The following FBN1 variants were observed in gnomAD, a reference collection of about 807,000 sequenced individuals.
FBN1 encodes the protein fibrillin-1.
FBN1 carries 29 observed loss-of-function variants against 365.1 expected under a neutral mutation model. The ratio of observed to expected loss-of-function variants is 0.08; its 90% CI spans 0.06 to 0.11. The LOEUF (loss-of-function observed/expected upper bound fraction) is 0.11. Ranked by LOEUF, FBN1 falls within the 10% of genes least tolerant of loss-of-function variation. The pLI, the probability that FBN1 is intolerant of heterozygous loss-of-function variation, is 1.00. For synonymous variants in FBN1, 1,210 were observed against 1,270.5 expected, an observed-to-expected ratio of 0.95 and a Z score of 1.01; for missense variants, 2,476 against 3,703.2, an observed-to-expected ratio of 0.67 and a Z score of 8.60.
chr15:48,460,632 CAG>C (rs947014257), intron 42 of FBN1, among the ~76,000 whole-genome samples: 10 of 152,120 alleles, frequency 6.6e-5, no homozygotes, highest in Non-Finnish European at 1.5e-4. Flanking sequence ...GCTCTGAACT[CAG>C]GGACTGGTAA....
chr15:48,639,957 A>G (rs1890169805), intron 2 of FBN1, among the ~76,000 whole-genome samples: 1 of 152,250 alleles, frequency 6.6e-6, no homozygotes, highest in African/African-American at 2.4e-5. Context: ...AAAAGCCAAC[A>G]AACTGGTACA....
chr15:48,612,879 T>C lies in FBN1; in HGVS notation c.247+131A>G, dbSNP rs1404553015. ...TTCCCAAACTGGAAAGGTAGAAAAG[T>C]CTTAAAGCTGGAAGGCTGTACTATC... is the stretch of plus-strand genomic sequence containing the variant. On this transcript the variant is annotated intron_variant, in intron 3 of 65. Transcript: ENST00000316623. The C allele has an allele frequency of 9.1e-6, 7 of 766,118 alleles. No homozygotes were observed. The Admixed American group carries it at 1.3e-4, about 15-fold the overall frequency. 47.5% of individuals were successfully genotyped at this position (766,118 alleles called of 1,614,324 possible). A position where few individuals can be genotyped will look rare whatever the true frequency, so the allele number is the denominator to read the frequency against.
chr15:48,520,228 C>G (rs1597583606), intron 10 of FBN1, among the ~76,000 whole-genome samples: 1 of 151,028 alleles, frequency 6.6e-6, no homozygotes, highest in East Asian at 1.9e-4. Flanking sequence ...AAAAGAGATA[C>G]TGTGAAGGAA....
intron 29 of FBN1, 146 bp from the exon 30 acceptor site, chr15:48,485,642 C>A: frequency 1.2e-6 from 1 of 859,824 alleles, no homozygotes; most frequent in South Asian, 1.5e-5. Context: ...AGGGCTCTAC[C>A]CTCATGGTGG....
At chr15:48,486,289 C>T (rs977931726) in intron 29 of FBN1, among the ~76,000 whole-genome samples, 23 of 152,214 alleles carry the variant, frequency 1.5e-4, no homozygotes, top group African/African-American at 4.8e-4. Context: ...TCTGAGTTGT[C>T]CTGGGCCATG....
intron 6 of FBN1, among the ~76,000 whole-genome samples, chr15:48,571,141 C>G (rs16961168): frequency 0.077 from 11,760 of 152,236 alleles, 1,600 homozygotes; most frequent in African/African-American, 0.27. Flanking sequence ...AAGTCCAAGG[C>G]TGGTCCAACA....
chr15:48,466,160 ATT>A (rs2043320313), intron 38 of FBN1, among the ~76,000 whole-genome samples: 1 of 151,824 alleles, frequency 6.6e-6, no homozygotes, highest in Non-Finnish European at 1.5e-5. Context: ...CTTTTTACAG[ATT>A]TTCTTTCCCT....
chr15:48,495,284 A>C, intron 21 of FBN1, 24 bp from the exon 22 acceptor site: 1 of 1,612,382 alleles, frequency 6.2e-7, no homozygotes, highest in Non-Finnish European at 8.5e-7. Context: ...AATAATATTT[A>C]ATAGAATCTA....
intron 32 of FBN1, among the ~76,000 whole-genome samples, chr15:48,476,163 T>C (rs1280668920): frequency 6.6e-6 from 1 of 152,208 alleles, no homozygotes; most frequent in East Asian, 1.9e-4. Context: ...CAAGAATGTA[T>C]GTCTTTCCAT....
At chr15:48,412,000 T>C (rs1391395076) in intron 65 of FBN1, among the ~76,000 whole-genome samples, 5 of 152,230 alleles carry the variant, frequency 3.3e-5, no homozygotes. Context: ...GGCTTCTTAC[T>C]TGCCTCTCTG....
chr15:48,644,963 G>A lies in FBN1; in HGVS notation c.-181-13C>T. 4.9e-6 allele frequency: 2 copies of A among 411,700 alleles called. No homozygotes were observed. The highest frequency in any genetic ancestry group is 8.0e-6 in the Non-Finnish European group (2 of 249,604). The allele number at this position is 411,700 out of a possible 1,614,324, so 25.5% of individuals were successfully genotyped here. ...CGGCCCCTGCCAGCTGCAACACAGA[G>A]ACAAATCCCCGAGGCGGGGAGACTT... On this transcript the variant is annotated splice_polypyrimidine_tract_variant and intron_variant, in intron 1 of 65. Transcript: ENST00000316623.
chr15:48,511,585 C>T (rs1396604885), intron 13 of FBN1, among the ~76,000 whole-genome samples: 1 of 152,216 alleles, frequency 6.6e-6, no homozygotes, highest in Admixed American at 6.5e-5. Context: ...TTCTCCTCTA[C>T]TGTGTTTCTG....
chr15:48,541,119 A>AC (rs68082053), intron 6 of FBN1, among the ~76,000 whole-genome samples: 3 of 145,046 alleles, frequency 2.1e-5, no homozygotes, highest in African/African-American at 8.5e-5. Flanking sequence ...AAAAAAAAAA[A>AC]CCCCTTAAGA....
chr15:48,456,843 C>CGTGTGTGTGCGTGTGTGTGTGTGT (rs2043243541), intron 43 of FBN1, 81 bp from the exon 44 acceptor site: 1 of 742,924 alleles, frequency 1.3e-6, no homozygotes, highest in Non-Finnish European at 2.3e-6. Flanking sequence ...AAAGTGCGTG[C>CGTGTGTGTGCGTGTGTGTGTGTGT]GTGTGTGTGT....
At chr15:48,623,968 AACACAC>A (rs145521473) in intron 2 of FBN1, among the ~76,000 whole-genome samples, 102 of 146,494 alleles carry the variant, frequency 7.0e-4, no homozygotes, top group South Asian at 5.8e-3. Flanking sequence ...CAAAGACACA[AACACAC>A]ACACACACAC....
intron 8 of FBN1, among the ~76,000 whole-genome samples, chr15:48,531,627 T>C (rs2043973947): frequency 6.6e-6 from 1 of 152,178 alleles, no homozygotes; most frequent in African/African-American, 2.4e-5. Context: ...GGGTTCCCTC[T>C]ATTGGCCATC....
At chr15:48,598,442 C>G (rs2044532558) in intron 5 of FBN1, among the ~76,000 whole-genome samples, 1 of 152,228 alleles carries the variant, frequency 6.6e-6, no homozygotes, top group Admixed American at 6.5e-5. Context: ...TGGTCTCACT[C>G]TTCTTTCCTA....
intron 32 of FBN1, among the ~76,000 whole-genome samples, chr15:48,477,096 T>G (rs58611279): frequency 0.049 from 7,455 of 152,192 alleles, 648 homozygotes; most frequent in African/African-American, 0.17. Flanking sequence ...TCTGTAATCT[T>G]TTTCTTTCCA....
chr15:48,437,260 A>T, intron 52 of FBN1, 62 bp downstream of exon 52: 1 of 1,473,792 alleles, frequency 6.8e-7, no homozygotes, highest in Non-Finnish European at 9.5e-7. Context: ...AATAAGAATA[A>T]CTAGAGAAGA....
Sources: allele counts gnomAD v4.1 joint callset (sites outside exome capture counted in the v4.1 genomes callset), GRCh38; gene constraint gnomAD v4.1.1; transcripts MANE v1.5; gene names NCBI Gene and HGNC (gene_info 2026-07-23, HGNC 2026-07-21).